Variants in RCAN2 observed in about 807,000 individuals in gnomAD.
The protein encoded by RCAN2 is regulator of calcineurin 2.
A neutral mutation model predicts 23.6 loss-of-function variants in RCAN2; 9 were observed. The ratio of observed to expected loss-of-function variants is 0.38; its 90% CI spans 0.23 to 0.67. RCAN2 has a LOEUF of 0.67. Among genes scored for constraint, RCAN2 ranks in the 30% least tolerant of loss-of-function variants. The probability of loss-of-function intolerance (pLI) is 0.51; values close to 1 mark genes in which losing one functional copy is unlikely to be tolerated. For missense variants in RCAN2, 273 were observed against 302.3 expected (o/e 0.90, Z 0.72); for synonymous variants, 109 against 115.7 (o/e 0.94, Z 0.37).
At chr6:46,333,954 T>C (rs1169394431) in intron 2 of RCAN2, among the ~76,000 whole-genome samples, 1 of 152,170 alleles carries the variant, frequency 6.6e-6, no homozygotes, top group Non-Finnish European at 1.5e-5. Flanking sequence ...TGGTAAAGAG[T>C]CACCTGTGTT....
chr6:46,306,337 C>A (rs1763065674), intron 2 of RCAN2, among the ~76,000 whole-genome samples: 1 of 152,122 alleles, frequency 6.6e-6, no homozygotes, highest in African/African-American at 2.4e-5. Context: ...GAAAGATGAC[C>A]CACCAGCACT....
At chr6:46,332,918 T>C (rs972165940) in intron 2 of RCAN2, among the ~76,000 whole-genome samples, 4 of 152,158 alleles carry the variant, frequency 2.6e-5, no homozygotes, top group African/African-American at 4.8e-5. Flanking sequence ...AGTTTACAGT[T>C]CCAACAACAG....
At chr6:46,409,829 AAGGGATGC>A (rs1442061888) in intron 2 of RCAN2, among the ~76,000 whole-genome samples, 2 of 152,222 alleles carry the variant, frequency 1.3e-5, no homozygotes, top group African/African-American at 4.8e-5. Context: ...TAACTGAACT[AAGGGATGC>A]CCAGATAGCT....
chr6:46,436,078 C>T (rs868099691), intron 2 of RCAN2, among the ~76,000 whole-genome samples: 1 of 152,202 alleles, frequency 6.6e-6, no homozygotes, highest in African/African-American at 2.4e-5. Context: ...TCAGAAGGTA[C>T]TCATCTGGCT....
intron 1 of RCAN2, among the ~76,000 whole-genome samples, chr6:46,469,016 GA>G (rs1462840423): frequency 1.2e-4 from 18 of 152,222 alleles, no homozygotes; most frequent in African/African-American, 3.9e-4. Context: ...TCCATTTATT[GA>G]AGACGGTTTC....
At chr6:46,340,841 G>T (rs1764298217) in intron 2 of RCAN2, among the ~76,000 whole-genome samples, 1 of 152,232 alleles carries the variant, frequency 6.6e-6, no homozygotes, top group Non-Finnish European at 1.5e-5. Flanking sequence ...AATGGGGATA[G>T]AAACAGAAGC....
At chr6:46,248,443 T>C (rs770902841) in intron 3 of RCAN2, among the ~76,000 whole-genome samples, 1 of 152,114 alleles carries the variant, frequency 6.6e-6, no homozygotes, top group Non-Finnish European at 1.5e-5. Flanking sequence ...GCAATCCTCA[T>C]AACAGTATGG....
At chr6:46,331,900 T>C (rs1161062754) in intron 2 of RCAN2, among the ~76,000 whole-genome samples, 1 of 152,186 alleles carries the variant, frequency 6.6e-6, no homozygotes, top group Non-Finnish European at 1.5e-5. Flanking sequence ...TCTTCGTTCT[T>C]ACCAGCAACA....
chr6:46,488,506 C>T (rs1311018950), intron 1 of RCAN2, among the ~76,000 whole-genome samples: 1 of 152,190 alleles, frequency 6.6e-6, no homozygotes, highest in African/African-American at 2.4e-5. Flanking sequence ...GTAGAAACAA[C>T]TTCCTGCTAT....
At chr6:46,405,213 C>G (rs1401352321) in intron 2 of RCAN2, among the ~76,000 whole-genome samples, 1 of 152,022 alleles carries the variant, frequency 6.6e-6, no homozygotes, top group Non-Finnish European at 1.5e-5. Context: ...TCTCGCTGGG[C>G]ACAGGAGTGA....
chr6:46,438,458 C>T (rs1561906173), intron 2 of RCAN2: 1 of 152,258 alleles, frequency 6.6e-6, no homozygotes, highest in Admixed American at 6.5e-5. Context: ...CAGCTTCATC[C>T]TATAAGAGTG....
intron 1 of RCAN2, among the ~76,000 whole-genome samples, chr6:46,471,341 A>T (rs774741654): frequency 8.5e-5 from 13 of 152,246 alleles, no homozygotes; most frequent in Non-Finnish European, 1.8e-4. Context: ...AATTGCAGTA[A>T]TCTAGGTAAC....
At chr6:46,270,867 A>G (rs2150332845) in intron 2 of RCAN2, among the ~76,000 whole-genome samples, 1 of 152,266 alleles carries the variant, frequency 6.6e-6, no homozygotes, top group East Asian at 1.9e-4. Context: ...TGAGGAGCTG[A>G]ATCCTGCTAA....
intron 2 of RCAN2, among the ~76,000 whole-genome samples, chr6:46,306,275 G>T (rs995235781): frequency 6.6e-6 from 1 of 152,092 alleles, no homozygotes; most frequent in Non-Finnish European, 1.5e-5. Context: ...GGCCTGTTCA[G>T]TACATTTCTC....
intron 4 of RCAN2, among the ~76,000 whole-genome samples, chr6:46,231,795 G>A (rs771466830): frequency 2.0e-5 from 3 of 152,192 alleles, no homozygotes; most frequent in Non-Finnish European, 4.4e-5. Context: ...AAGAGTCAGA[G>A]AAGTCTGTAT....
chr6:46,307,840 G>GA (rs1460607844), intron 2 of RCAN2, among the ~76,000 whole-genome samples: 1 of 152,114 alleles, frequency 6.6e-6, no homozygotes, highest in African/African-American at 2.4e-5. Flanking sequence ...ATCCTCTATT[G>GA]AAAATCTTCC....
chr6:46,457,895 A>G (rs746765000), intron 1 of RCAN2, among the ~76,000 whole-genome samples: 4 of 152,042 alleles, frequency 2.6e-5, no homozygotes, highest in African/African-American at 7.3e-5. Context: ...CTAACTGCAG[A>G]GTTTTTCCAT....
chr6:46,442,055 C>T (rs1201326645), intron 2 of RCAN2, among the ~76,000 whole-genome samples: 1 of 152,084 alleles, frequency 6.6e-6, no homozygotes, highest in Non-Finnish European at 1.5e-5. Flanking sequence ...TGGTTATCAC[C>T]AAGTCAATCA....
At chr6:46,401,626 C>T (rs1050039800) in intron 2 of RCAN2, among the ~76,000 whole-genome samples, 1 of 152,168 alleles carries the variant, frequency 6.6e-6, no homozygotes, top group Non-Finnish European at 1.5e-5. Flanking sequence ...TCCAAGTAAT[C>T]TGCGAACTAT....
Sources: allele counts gnomAD v4.1 joint callset (sites outside exome capture counted in the v4.1 genomes callset), GRCh38; gene constraint gnomAD v4.1.1; transcripts MANE v1.5; gene names NCBI Gene and HGNC (gene_info 2026-07-23, HGNC 2026-07-21).